The following FBXL7 variants were observed in gnomAD, a reference collection of about 807,000 sequenced individuals.
FBXL7 encodes F-box/LRR-repeat protein 7.
In FBXL7, 12 loss-of-function variants were observed where a neutral mutation model predicts 38.3. The observed-to-expected ratio is 0.31, with a 90% CI of 0.20 to 0.51. FBXL7 has a LOEUF of 0.51. FBXL7 is among the 20% of genes least tolerant of loss of function. The pLI is 0.98. For synonymous variants in FBXL7, 297 were observed against 300.9 expected, an observed-to-expected ratio of 0.99 and a Z score of 0.13; for missense variants, 567 against 676.4, an observed-to-expected ratio of 0.84 and a Z score of 1.79.
intron 2 of FBXL7, among the ~76,000 whole-genome samples, chr5:15,892,145 CA>C (rs1740928704): frequency 6.6e-6 from 1 of 152,234 alleles, no homozygotes; most frequent in Non-Finnish European, 1.5e-5. Context: ...GCCTGGGGGA[CA>C]GGGGAACAAA....
chr5:15,720,995 A>G (rs1744180810), intron 2 of FBXL7, among the ~76,000 whole-genome samples: 2 of 152,124 alleles, frequency 1.3e-5, no homozygotes, highest in South Asian at 2.1e-4. Context: ...ACTCTGCACA[A>G]TAGTGATGTT....
Position 15,525,587 on chromosome 5 carries a change from C to G in FBXL7, c.37+24874C>G, listed in dbSNP as rs16903902. On this transcript the variant is annotated intron_variant, in intron 1 of 3. Transcript: ENST00000504595. ...CCAGGATAGGGCTTTTTCCTCCACA[C>G]GTCTGCATTGCTGTGTGTGTGTGGG... 5.1e-3 allele frequency among the ~76,000 whole-genome samples: 776 copies of G among 152,154 alleles called. 10 individuals are homozygous for G. Among genetic ancestry groups the G allele is most frequent in the African/African-American group, 0.018 (729 of 41,518 alleles).
At chr5:15,629,313 G>C (rs774199815) in intron 2 of FBXL7, among the ~76,000 whole-genome samples, 1 of 152,120 alleles carries the variant, frequency 6.6e-6, no homozygotes, top group East Asian at 1.9e-4. Context: ...AAGTATGGGA[G>C]TCAAGCAAAG....
intron 2 of FBXL7, among the ~76,000 whole-genome samples, chr5:15,664,506 C>G (rs1742205941): frequency 9.5e-6 from 1 of 105,464 alleles, no homozygotes; most frequent in Non-Finnish European, 1.7e-5. Flanking sequence ...CAGTCTTGGT[C>G]TGTCACCCAG....
intron 2 of FBXL7, among the ~76,000 whole-genome samples, chr5:15,708,292 T>C (rs566463974): frequency 1.1e-4 from 17 of 152,332 alleles, no homozygotes; most frequent in African/African-American, 3.8e-4. Context: ...CATCTTTAGA[T>C]AGGGAAAGGA....
intron 2 of FBXL7, among the ~76,000 whole-genome samples, chr5:15,694,206 C>T (rs936226994): frequency 6.6e-6 from 1 of 152,172 alleles, no homozygotes; most frequent in African/African-American, 2.4e-5. Flanking sequence ...ACAAGCCTCA[C>T]CCTTGTTGCA....
At chr5:15,900,715 G>C (rs1177455393) in intron 2 of FBXL7, among the ~76,000 whole-genome samples, 1 of 152,106 alleles carries the variant, frequency 6.6e-6, no homozygotes, top group African/African-American at 2.4e-5. Context: ...ATGATTATAA[G>C]AATTGAAGTA....
intron 2 of FBXL7, among the ~76,000 whole-genome samples, chr5:15,859,384 A>G (rs1160223309): frequency 1.3e-5 from 2 of 152,210 alleles, no homozygotes; most frequent in East Asian, 3.8e-4. Flanking sequence ...GGTTGTCACA[A>G]CTGCTGGTAT....
chr5:15,814,743 A>G (rs996428290), intron 2 of FBXL7, among the ~76,000 whole-genome samples: 4 of 152,198 alleles, frequency 2.6e-5, no homozygotes, highest in South Asian at 2.1e-4. Flanking sequence ...GCTACTATGC[A>G]TTAGGAATCT....
At chr5:15,609,716 C>T (rs559268511) in intron 1 of FBXL7, among the ~76,000 whole-genome samples, 13 of 152,294 alleles carry the variant, frequency 8.5e-5, no homozygotes, top group African/African-American at 2.6e-4. Flanking sequence ...GAAGCTGCAG[C>T]GAAGACTGCC....
At chr5:15,917,926 T>A (rs1163531406) in intron 2 of FBXL7, among the ~76,000 whole-genome samples, 2 of 152,062 alleles carry the variant, frequency 1.3e-5, no homozygotes, top group African/African-American at 4.8e-5. Flanking sequence ...AAATGAAACT[T>A]CCTGCTTTCC....
intron 2 of FBXL7, among the ~76,000 whole-genome samples, chr5:15,902,286 C>T (rs1741250659): frequency 6.6e-6 from 1 of 152,166 alleles, no homozygotes; most frequent in Non-Finnish European, 1.5e-5. Context: ...AAGCCCCAAC[C>T]GTGAAGCCCT....
intron 2 of FBXL7, among the ~76,000 whole-genome samples, chr5:15,673,198 C>A (rs1262276870): frequency 6.6e-6 from 1 of 152,114 alleles, no homozygotes; most frequent in African/African-American, 2.4e-5. Flanking sequence ...CACCTGTAAT[C>A]CCAGCTACTC....
chr5:15,546,123 T>C (rs531853557), intron 1 of FBXL7, among the ~76,000 whole-genome samples: 3 of 152,374 alleles, frequency 2.0e-5, no homozygotes, highest in Non-Finnish European at 4.4e-5. Context: ...ATTTACCCTT[T>C]TACACTTTTA....
intron 2 of FBXL7, among the ~76,000 whole-genome samples, chr5:15,621,287 G>T (rs532342063): frequency 3.9e-5 from 6 of 152,116 alleles, no homozygotes; most frequent in African/African-American, 9.7e-5. Flanking sequence ...GACACTGTAG[G>T]GGGGGTTGGG....
intron 2 of FBXL7, among the ~76,000 whole-genome samples, chr5:15,885,910 G>A (rs1039387921): frequency 2.0e-5 from 3 of 151,198 alleles, no homozygotes; most frequent in South Asian, 2.1e-4. Flanking sequence ...TTGTAGAGAC[G>A]AGGTTTCACC....
At chr5:15,935,884 C>T (rs1283916661) in intron 3 of FBXL7, among the ~76,000 whole-genome samples, 1 of 152,180 alleles carries the variant, frequency 6.6e-6, no homozygotes, top group Non-Finnish European at 1.5e-5. Flanking sequence ...GAAGCAGCAA[C>T]GTTAAGCCTC....
intron 1 of FBXL7, among the ~76,000 whole-genome samples, chr5:15,504,206 G>T (rs1272990382): frequency 6.6e-6 from 1 of 152,228 alleles, no homozygotes; most frequent in Non-Finnish European, 1.5e-5. Context: ...AGTGAAGAGA[G>T]AAATTTCTTG....
At chr5:15,800,676 G>C (rs1403977947) in intron 2 of FBXL7, among the ~76,000 whole-genome samples, 1 of 152,340 alleles carries the variant, frequency 6.6e-6, no homozygotes, top group Non-Finnish European at 1.5e-5. Context: ...CCAGTGAGCA[G>C]TAAATGCTGA....
Sources: gnomAD v4.1 joint callset for allele counts (sites outside exome capture counted in the v4.1 genomes callset) on GRCh38, gnomAD v4.1.1 for gene constraint, MANE v1.5 for transcripts, NCBI Gene and HGNC (gene_info 2026-07-23, HGNC 2026-07-21) for gene names.